Variants in GPR19 observed in about 807,000 individuals in gnomAD.
GPR19 encodes probable G protein-coupled receptor 19.
A neutral mutation model predicts 28.5 loss-of-function variants in GPR19; 14 were observed. The ratio of observed to expected loss-of-function variants is 0.49; its 90% CI spans 0.32 to 0.77. GPR19 has a LOEUF of 0.77. GPR19 is among the 30% of genes least tolerant of loss of function. The probability of loss-of-function intolerance (pLI) is 0.03; values close to 1 mark genes in which losing one functional copy is unlikely to be tolerated. For missense variants in GPR19, 409 were observed against 504.1 expected, an observed-to-expected ratio of 0.81 and a Z score of 1.81; for synonymous variants, 173 against 184.1, an observed-to-expected ratio of 0.94 and a Z score of 0.49.
intron 3 of GPR19, among the ~76,000 whole-genome samples, chr12:12,680,890 T>C (rs956448150): frequency 6.6e-6 from 1 of 152,146 alleles, no homozygotes; most frequent in East Asian, 1.9e-4. Flanking sequence ...GGTTTCAGCA[T>C]GTTGGCCAGG....
chr12:12,668,156 T>C (rs1945808303), intron 3 of GPR19, among the ~76,000 whole-genome samples: 1 of 152,238 alleles, frequency 6.6e-6, no homozygotes, highest in African/African-American at 2.4e-5. Context: ...ATGGACTTAC[T>C]GCCCTCTAGG....
intron 3 of GPR19, among the ~76,000 whole-genome samples, chr12:12,669,684 T>G (rs1945830533): frequency 6.6e-6 from 1 of 152,032 alleles, no homozygotes; most frequent in South Asian, 2.1e-4. Context: ...TGAAGTTTTG[T>G]TTTTTTCCCC....
At chr12:12,666,550 T>C (rs1945782068) in intron 3 of GPR19, among the ~76,000 whole-genome samples, 1 of 152,218 alleles carries the variant, frequency 6.6e-6, no homozygotes. Flanking sequence ...ATCCTGAGTG[T>C]AGCCAAGATT....
the GPR19 span, among the ~76,000 whole-genome samples, chr12:12,706,423 C>G: frequency 6.6e-6 from 1 of 152,194 alleles, no homozygotes; most frequent in Non-Finnish European, 1.5e-5. Flanking sequence ...CTGCCTAGCT[C>G]TTTTCTACAT....
the GPR19 span, among the ~76,000 whole-genome samples, chr12:12,713,008 A>G: frequency 2.6e-5 from 4 of 151,698 alleles, no homozygotes; most frequent in African/African-American, 7.3e-5. Context: ...CGCCAGGCCA[A>G]TAATAAAAGC....
At chr12:12,675,941 A>G (rs746387911) in intron 3 of GPR19, among the ~76,000 whole-genome samples, 5 of 152,242 alleles carry the variant, frequency 3.3e-5, no homozygotes, top group Admixed American at 2.6e-4. Flanking sequence ...GAACTGTGAG[A>G]TAATAAACAG....
At chr12:12,709,658 T>G in the GPR19 span, among the ~76,000 whole-genome samples, 1 of 152,130 alleles carries the variant, frequency 6.6e-6, no homozygotes, top group Non-Finnish European at 1.5e-5. Context: ...CAGGCTGGTC[T>G]TGAACTCTAG....
chr12:12,702,178 G>A, the GPR19 span, among the ~76,000 whole-genome samples: 1 of 151,830 alleles, frequency 6.6e-6, no homozygotes, highest in Non-Finnish European at 1.5e-5. Context: ...CTTATGGTTT[G>A]TACAAATTAG....
intron 3 of GPR19, among the ~76,000 whole-genome samples, chr12:12,667,710 AAAAG>A (rs1291322707): frequency 6.6e-6 from 1 of 151,704 alleles, no homozygotes; most frequent in Non-Finnish European, 1.5e-5. Flanking sequence ...AAAAAAAAAA[AAAAG>A]AACTGGGGAC....
Position 12,661,031 on chromosome 12 carries a change from A to G in GPR19, c.*170T>C. On this transcript the variant is annotated 3_prime_UTR_variant, in exon 4 of 4. Coordinates refer to ENST00000651487, the MANE Select transcript of GPR19 (RefSeq NM_006143.3). This position sits in a 1 kb window ranked among gnomAD's most constrained non-coding sequence, Gnocchi z 4.2. ...AAGTGAACGCTTTTCCTAAAACATAAAAAGCAAGTAAAATAAAACCCACAA... is the reference window on the plus strand; with the variant it reads ...AAGTGAACGCTTTTCCTAAAACATAGAAAGCAAGTAAAATAAAACCCACAA... 1 of 549,350 alleles carries G rather than the reference A, an allele frequency of 1.8e-6. No individual in the cohort carries two copies. The highest frequency in any genetic ancestry group is 3.1e-6 in the Non-Finnish European group (1 of 319,806). 34.0% of individuals were successfully genotyped at this position (549,350 alleles called of 1,614,324 possible). A position where few individuals can be genotyped will look rare whatever the true frequency, so the allele number is the denominator to read the frequency against.
chr12:12,664,756 TAAA>T (rs1945735981), intron 3 of GPR19, among the ~76,000 whole-genome samples: 1 of 151,586 alleles, frequency 6.6e-6, no homozygotes, highest in African/African-American at 2.4e-5. Flanking sequence ...CCGTCTCTAC[TAAA>T]AATACAAAAG....
chr12:12,676,430 C>A (rs1010297639), intron 3 of GPR19, among the ~76,000 whole-genome samples: 3 of 151,722 alleles, frequency 2.0e-5, no homozygotes, highest in African/African-American at 7.3e-5. Context: ...GAGAGCTCAT[C>A]CTGAGAGTGC....
At chr12:12,665,390 C>T (rs896941446) in intron 3 of GPR19, among the ~76,000 whole-genome samples, 1 of 152,200 alleles carries the variant, frequency 6.6e-6, no homozygotes, top group African/African-American at 2.4e-5. Context: ...CACTTGGAAG[C>T]AGAGGATCCC....
chr12:12,680,565 G>C (rs1012245325), intron 3 of GPR19, among the ~76,000 whole-genome samples: 1 of 152,104 alleles, frequency 6.6e-6, no homozygotes, highest in African/African-American at 2.4e-5. Context: ...GGAGTGCAGT[G>C]GAGTGATCAC....
At chr12:12,665,912 C>T (rs530378182) in intron 3 of GPR19, among the ~76,000 whole-genome samples, 2 of 149,526 alleles carry the variant, frequency 1.3e-5, no homozygotes, top group East Asian at 2.0e-4. Context: ...TTATAATTCA[C>T]TGCTAAGAAC....
At chr12:12,702,075 A>C in the GPR19 span, among the ~76,000 whole-genome samples, 1 of 152,032 alleles carries the variant, frequency 6.6e-6, no homozygotes, top group South Asian at 2.1e-4. Context: ...ATGTAGAATA[A>C]TATTTTTAAT....
At chr12:12,668,857 G>A (rs1945818395) in intron 3 of GPR19, 2 of 152,104 alleles carry the variant, frequency 1.3e-5, no homozygotes, top group African/African-American at 4.8e-5. Flanking sequence ...CACTTTATAT[G>A]TGTAACCCCT....
At chr12:12,710,011 G>C in the GPR19 span, among the ~76,000 whole-genome samples, 1 of 152,146 alleles carries the variant, frequency 6.6e-6, no homozygotes, top group Non-Finnish European at 1.5e-5. Context: ...GGACAACAGA[G>C]AAACAATGAG....
chr12:12,699,241 C>T (rs181701165), upstream of GPR19, among the ~76,000 whole-genome samples: 80 of 152,104 alleles, frequency 5.3e-4, no homozygotes, highest in East Asian at 0.014. Context: ...ACTCGGGAGG[C>T]TGAGGCAGGA....
Sources: allele counts gnomAD v4.1 joint callset (sites outside exome capture counted in the v4.1 genomes callset), GRCh38; gene constraint gnomAD v4.1.1; non-coding constraint Gnocchi (gnomAD v3.1); transcripts MANE v1.5; gene names NCBI Gene and HGNC (gene_info 2026-07-23, HGNC 2026-07-21).